Variants in NFYA observed in about 807,000 individuals in gnomAD.
NFYA encodes the protein CAAT-box DNA binding protein subunit A.
NFYA carries 28 observed loss-of-function variants against 52.8 expected under a neutral mutation model. The observed-to-expected ratio is 0.53, with a 90% CI of 0.39 to 0.73. The LOEUF is 0.73. NFYA is among the 30% of genes least tolerant of loss of function. NFYA has a pLI of 0.00. For synonymous variants in NFYA, 150 were observed against 150.7 expected (o/e 1.00, Z 0.03); for missense variants, 234 against 427.0 (o/e 0.55, Z 3.98).
chr6:41,080,852 C>T lies in NFYA; in HGVS notation c.117C>T (p.Ala39=). The T allele has an allele frequency of 6.2e-7, 1 of 1,614,008 alleles. No homozygotes were observed. Among genetic ancestry groups the T allele is most frequent in the Non-Finnish European group, 8.5e-7 (1 of 1,179,894 alleles). The change falls in exon 3 of 10, where the codon GCC becomes GCT. Residue 39 remains alanine, a synonymous_variant. Transcript: ENST00000341376. The stretch of plus-strand genomic sequence containing the variant: ...CTGCTGTGCAGTTGCAGACTGAGGC[C>T]CAGGTGGCATCCGCCTCAGGCCAGC... ...GVTAVQLQTE[A]QVASASGQQV...
At position 41,080,941 on chromosome 6, in the gene NFYA, C is replaced by T. The variant is rs1243665574; in HGVS notation, c.162+44C>T. 11 of 1,472,892 alleles carry T rather than the reference C, an allele frequency of 7.5e-6. No homozygotes were observed. The Admixed American group carries it at 1.3e-4, about 18-fold the overall frequency. The allele number at this position is 1,472,892 out of a possible 1,614,324, so 91.2% of individuals were successfully genotyped here. ...CTCTGTGAGCACTGCATGAACTTCT[C>T]CTCTCCTCATGTCTGGTGCTGTTTG... On this transcript the variant is annotated intron_variant, in intron 3 of 9. Transcript: ENST00000341376.
chr6:41,080,790 T>C (rs1652993271), intron 2 of NFYA, 21 bp from the exon 3 acceptor site: 1 of 1,601,304 alleles, frequency 6.2e-7, no homozygotes, highest in African/African-American at 1.3e-5. Flanking sequence ...TATTTCAAGC[T>C]CTTCCTGTTC....
At chr6:41,089,145 G>A (rs1219375693) in intron 4 of NFYA, among the ~76,000 whole-genome samples, 5 of 151,816 alleles carry the variant, frequency 3.3e-5, no homozygotes, top group African/African-American at 4.8e-5. Flanking sequence ...CACCATGCCC[G>A]GCTAATCTTT....
In NFYA at chr6:41,100,642, T is replaced by A. The variant is rs1764474330; in HGVS notation, c.*3232T>A. 1.3e-5 allele frequency among the ~76,000 whole-genome samples: 2 copies of A among 152,250 alleles called. 1 individual carries two copies. Among genetic ancestry groups the A allele is most frequent in the South Asian group, 4.1e-4 (2 of 4,836 alleles). On this transcript the variant is annotated 3_prime_UTR_variant, in exon 10 of 10. Coordinates refer to ENST00000341376, the MANE Select transcript of NFYA (RefSeq NM_002505.5). ...TGTGCTTGAGTTTGGCTTAGATTTA[T>A]GCCAGTGGAACCTGTCCTTACCAAA...
rs1477290275 is a variant in NFYA at position 41,098,328 on chromosome 6, AT to A, written c.*921del. The A allele has an allele frequency of 4.6e-5, 7 of 152,346 alleles. No individual in the cohort carries two copies. Among genetic ancestry groups the A allele is most frequent in the African/African-American group, 1.7e-4 (7 of 41,452 alleles). The allele number at this position is 152,346 out of a possible 1,614,324, so 9.4% of individuals were successfully genotyped here. A position where few individuals can be genotyped will look rare whatever the true frequency, so the allele number is the denominator to read the frequency against. ...TTTCAATCATAGACTTTGTGACAGC[AT>A]TTGGGGAACTAAAAGATTCATGTGT... is the stretch of plus-strand genomic sequence containing the variant. On this transcript the variant is annotated 3_prime_UTR_variant, in exon 10 of 10. Transcript: ENST00000341376.
intron 4 of NFYA, among the ~76,000 whole-genome samples, chr6:41,086,790 A>G (rs540478641): frequency 1.4e-4 from 22 of 152,328 alleles, no homozygotes; most frequent in African/African-American, 5.3e-4. Flanking sequence ...AAACATATCA[A>G]TGAAGAAATG....
chr6:41,091,027 C>T (rs1217595254), intron 6 of NFYA, among the ~76,000 whole-genome samples: 1 of 152,174 alleles, frequency 6.6e-6, no homozygotes, highest in Non-Finnish European at 1.5e-5. Context: ...CTGGATTGAG[C>T]CCAGGCAAGA....
At chr6:41,090,927 C>G (rs1764183320) in intron 6 of NFYA, among the ~76,000 whole-genome samples, 1 of 152,196 alleles carries the variant, frequency 6.6e-6, no homozygotes, top group Non-Finnish European at 1.5e-5. Flanking sequence ...TTGTTAGATT[C>G]CATGACTTTG....
intron 8 of NFYA, 130 bp from the exon 9 acceptor site, chr6:41,094,266 T>G (rs370022576): frequency 2.9e-6 from 2 of 697,506 alleles, no homozygotes; most frequent in Non-Finnish European, 4.9e-6. Flanking sequence ...ATCGTCATTC[T>G]AAGTCATAAT....
In NFYA at chr6:41,099,235, G is replaced by GT. The variant is rs966796282; in HGVS notation, c.*1826dup. ...GAGTTTGGGATATTAATGTTATTCA[G>GT]TAAGTCCCAAGTTTTTCAGAGAATA... On this transcript the variant is annotated 3_prime_UTR_variant, in exon 10 of 10. Transcript: ENST00000341376. 4.6e-5 allele frequency: 7 copies of GT among 152,338 alleles called. No individual in the cohort carries two copies. The highest frequency in any genetic ancestry group is 2.1e-4 in the South Asian group (1 of 4,830). The allele number at this position is 152,338 out of a possible 1,614,324, so 9.4% of individuals were successfully genotyped here. A position where few individuals can be genotyped will look rare whatever the true frequency, so the allele number is the denominator to read the frequency against.
chr6:41,089,043 T>G (rs1426471596), intron 4 of NFYA, among the ~76,000 whole-genome samples: 1 of 152,158 alleles, frequency 6.6e-6, no homozygotes, highest in Non-Finnish European at 1.5e-5. Flanking sequence ...TGGAGTGCAG[T>G]GGCGTGATCT....
chr6:41,100,049 C>T lies in NFYA; in HGVS notation c.*2639C>T, dbSNP rs1764457413. On this transcript the variant is annotated 3_prime_UTR_variant, in exon 10 of 10. Coordinates refer to ENST00000341376, the MANE Select transcript of NFYA (RefSeq NM_002505.5). ...TTTCCAGTGTTGAAATTTTGATCTCCCCCGACAAGACTTGTCTGCATGGAC... is the reference window on the plus strand; with the variant it reads ...TTTCCAGTGTTGAAATTTTGATCTCTCCCGACAAGACTTGTCTGCATGGAC... 6.6e-6 allele frequency: 1 copy of T among 152,096 alleles called. No homozygotes were observed. Among genetic ancestry groups the T allele is most frequent in the Non-Finnish European group, 1.5e-5 (1 of 68,020 alleles). The allele number at this position is 152,096 out of a possible 1,614,324, so 9.4% of individuals were successfully genotyped here. A position where few individuals can be genotyped will look rare whatever the true frequency, so the allele number is the denominator to read the frequency against.
chr6:41,095,149 C>T (rs911333422), intron 9 of NFYA, among the ~76,000 whole-genome samples: 2 of 152,208 alleles, frequency 1.3e-5, no homozygotes, highest in Non-Finnish European at 2.9e-5. Flanking sequence ...AGTCCCTGTT[C>T]TGCTCAAGCT....
rs769282285 is a variant in NFYA, at chr6:41,093,471, C to CT, written c.888+400dup. ...AAAGGGAACAAGAAAGGTACCCTTT[C>CT]TTTTTTTTTTTTTTCCTGAGACTCA... On this transcript the variant is annotated intron_variant, in intron 8 of 9. Coordinates refer to ENST00000341376, the MANE Select transcript of NFYA (RefSeq NM_002505.5). Among the ~76,000 whole-genome samples the CT allele has an allele frequency of 2.2e-3, 308 of 142,426 alleles. 2 individuals are homozygous for CT. The highest frequency in any genetic ancestry group is 2.8e-3 in the East Asian group (14 of 4,920). The allele number at this position is 142,426 out of a possible 152,430, so 93.4% of individuals were successfully genotyped here. A position where few individuals can be genotyped will look rare whatever the true frequency, so the allele number is the denominator to read the frequency against.
chr6:41,086,738 G>A (rs796957451), intron 4 of NFYA, among the ~76,000 whole-genome samples: 14 of 152,244 alleles, frequency 9.2e-5, no homozygotes, highest in African/African-American at 3.4e-4. Context: ...CCAAGAAATA[G>A]ATAGAAGAAT....
chr6:41,084,042 C>G lies in NFYA; in HGVS notation c.163-4C>G. The G allele has an allele frequency of 6.3e-7, 1 of 1,586,796 alleles. No individual in the cohort carries two copies. The highest frequency in any genetic ancestry group is 1.2e-5 in the South Asian group (1 of 86,280). ...TTCATTGTTCTTATTTTATTTCATT[C>G]TAGGTCCAAGGGCAGCCATTAATGG... On this transcript the variant is annotated splice_polypyrimidine_tract_variant and splice_region_variant and intron_variant, in intron 3 of 9. Coordinates refer to ENST00000341376, the MANE Select transcript of NFYA (RefSeq NM_002505.5).
rs1191835212 is a variant in NFYA, at chr6:41,094,325, A to G, written c.889-71A>G. The G allele has an allele frequency of 5.4e-6, 7 of 1,296,900 alleles. No individual in the cohort carries two copies. The African/African-American group carries it at 7.3e-5, about 13-fold the overall frequency. The allele number at this position is 1,296,900 out of a possible 1,614,324, so 80.3% of individuals were successfully genotyped here. ...GCTGTCTTAAACTTTGGAGAATGGA[A>G]TTTGTGCACTAGATAACTGTGCTGG... On this transcript the variant is annotated intron_variant, in intron 8 of 9. Transcript: ENST00000341376.
At chr6:41,080,604 C>CA (rs1428246961) in intron 2 of NFYA, among the ~76,000 whole-genome samples, 15 of 152,102 alleles carry the variant, frequency 9.9e-5, no homozygotes, top group African/African-American at 3.6e-4. Context: ...GTTTTTGAGT[C>CA]AAATTTTTGA....
intron 4 of NFYA, among the ~76,000 whole-genome samples, chr6:41,085,818 A>C (rs1407234083): frequency 1.3e-5 from 2 of 151,990 alleles, no homozygotes; most frequent in Non-Finnish European, 2.9e-5. Context: ...TAATTTATAA[A>C]ATATAGTTAA....
Sources: gnomAD v4.1 joint callset for allele counts (sites outside exome capture counted in the v4.1 genomes callset) on GRCh38, gnomAD v4.1.1 for gene constraint, MANE v1.5 for transcripts, NCBI Gene and HGNC (gene_info 2026-07-23, HGNC 2026-07-21) for gene names.